YY1AP1: variants seen among roughly 807,000 people sequenced by gnomAD.
The protein encoded by YY1AP1 is YY1 associated protein 1, also known as YY1-associated protein 1.
Under a neutral mutation model 39.9 loss-of-function variants are expected in YY1AP1, and 43 were observed. The ratio of observed to expected loss-of-function variants is 1.08; its 90% CI spans 0.84 to 1.39. YY1AP1 has a LOEUF of 1.39. Ranked by LOEUF, YY1AP1 falls within the 40% of genes most tolerant of loss-of-function variation. YY1AP1 has a pLI of 0.00. For missense variants in YY1AP1, 813 were observed against 900.7 expected (o/e 0.90, Z 1.25); for synonymous variants, 292 against 331.3 (o/e 0.88, Z 1.29).
At chr1:155,688,953 G>C, upstream of YY1AP1, 1 of 1,611,270 alleles carries the variant, frequency 6.2e-7, no homozygotes, top group Non-Finnish European at 8.5e-7. Context: ...TCGCCGCGGC[G>C]CTGCGGCTCG....
chr1:155,684,995 T>G lies in YY1AP1; in HGVS notation c.-21+3076A>C, dbSNP rs986763598. ...TTTTATATCAGGAGGGCTTTCTACA[T>G]GTATGTATACCCAAAAATGACATTA... is the stretch of plus-strand genomic sequence containing the variant. On this transcript the variant is annotated intron_variant, in intron 2 of 10. Coordinates refer to ENST00000355499, the MANE Select transcript of YY1AP1 (RefSeq NM_139119.3). Among the ~76,000 whole-genome samples, 12 of 152,340 alleles carry G rather than the reference T, an allele frequency of 7.9e-5. No homozygotes were observed. The South Asian group carries it at 2.5e-3, about 32-fold the overall frequency.
chr1:155,688,762 A>G lies in YY1AP1; in HGVS notation c.-255T>C. 1 of 1,521,060 alleles carries G rather than the reference A, an allele frequency of 6.6e-7. No individual in the cohort carries two copies. The allele number at this position is 1,521,060 out of a possible 1,614,324, so 94.2% of individuals were successfully genotyped here. A position where few individuals can be genotyped will look rare whatever the true frequency, so the allele number is the denominator to read the frequency against. On this transcript the variant is annotated 5_prime_UTR_variant, in exon 1 of 11. Coordinates refer to ENST00000355499, the MANE Select transcript of YY1AP1 (RefSeq NM_139119.3). ...CGCCGCCAAAGCAGCCGCCGCCAGC[A>G]CCCCCACCCTACACTCCTCGCGCGT...
chr1:155,678,848 A>G (rs1423501095), intron 4 of YY1AP1, among the ~76,000 whole-genome samples: 1 of 152,222 alleles, frequency 6.6e-6, no homozygotes, highest in Non-Finnish European at 1.5e-5. Flanking sequence ...ATATGCTGCT[A>G]CAACAGAATA....
At chr1:155,679,296 A>G (rs753007127) in intron 4 of YY1AP1, 113 bp downstream of exon 4, 6 of 1,555,890 alleles carry the variant, frequency 3.9e-6, no homozygotes, top group South Asian at 2.4e-5. Flanking sequence ...GCATCCTTAC[A>G]TCAGTAACAG....
chr1:155,674,978 G>T (rs1650427715), intron 6 of YY1AP1, 32 bp downstream of exon 6: 1 of 1,560,304 alleles, frequency 6.4e-7, no homozygotes, highest in Non-Finnish European at 8.8e-7. Context: ...TTATATTCTA[G>T]TCTATAGAAT....
intron 2 of YY1AP1, among the ~76,000 whole-genome samples, chr1:155,682,454 CAT>C (rs1651657789): frequency 6.6e-6 from 1 of 151,972 alleles, no homozygotes; most frequent in African/African-American, 2.4e-5. Context: ...ACATACTCTA[CAT>C]GTCAGAGTTT....
intron 9 of YY1AP1, among the ~76,000 whole-genome samples, chr1:155,664,829 G>A (rs926300682): frequency 6.7e-6 from 1 of 149,086 alleles, no homozygotes; most frequent in Non-Finnish European, 1.5e-5. Context: ...GAGTGTAGTG[G>A]CGAGATCTCG....
At chr1:155,688,260 A>G (rs754878056) in intron 1 of YY1AP1, 59 bp from the exon 2 acceptor site, 67 of 1,603,732 alleles carry the variant, frequency 4.2e-5, no homozygotes, top group Non-Finnish European at 5.4e-5. Context: ...GCAAACTGAG[A>G]GGAGGCGGAT....
intron 1 of YY1AP1, 178 bp from the exon 2 acceptor site, chr1:155,688,379 A>C: frequency 6.5e-7 from 1 of 1,544,340 alleles, no homozygotes; most frequent in Non-Finnish European, 8.8e-7. Context: ...GAGGGAGCTA[A>C]GGGCGCCTAG....
chr1:155,674,494 G>A (rs1200156770), intron 6 of YY1AP1, among the ~76,000 whole-genome samples: 1 of 152,004 alleles, frequency 6.6e-6, no homozygotes. Context: ...TAAGAAGTCA[G>A]GGTGAATCTA....
intron 9 of YY1AP1, among the ~76,000 whole-genome samples, chr1:155,665,230 CA>C (rs1418540811): frequency 6.6e-6 from 1 of 151,216 alleles, no homozygotes; most frequent in South Asian, 2.1e-4. Context: ...CCAGCCTGGG[CA>C]AAAAACTGAG....
intron 2 of YY1AP1, among the ~76,000 whole-genome samples, chr1:155,687,395 CAT>C (rs1374689179): frequency 6.9e-6 from 1 of 144,182 alleles, no homozygotes; most frequent in East Asian, 2.0e-4. Flanking sequence ...AATACACACA[CAT>C]ATCAACCTGC....
At chr1:155,688,497 T>C in intron 1 of YY1AP1, 162 bp downstream of exon 1, 1 of 1,548,024 alleles carries the variant, frequency 6.5e-7, no homozygotes, top group Non-Finnish European at 8.7e-7. Context: ...CGCGTACGAG[T>C]GTCTACGGGC....
chr1:155,676,442 G>GTAAC (rs1650698581), intron 5 of YY1AP1, 106 bp downstream of exon 5: 1 of 1,350,898 alleles, frequency 7.4e-7, no homozygotes, highest in Admixed American at 1.8e-5. Context: ...ACGTAGTAAG[G>GTAAC]TAACTATCTC....
intron 5 of YY1AP1, among the ~76,000 whole-genome samples, chr1:155,675,691 C>A (rs1409808154): frequency 6.6e-6 from 1 of 152,068 alleles, no homozygotes; most frequent in African/African-American, 2.4e-5. Flanking sequence ...CTCCCCTGCT[C>A]AAGCAATCCT....
chr1:155,659,971 C>T lies in YY1AP1; in HGVS notation c.1939G>A (p.Asp647Asn), dbSNP rs146837303. 26 of 1,614,244 alleles carry T rather than the reference C, an allele frequency of 1.6e-5. No homozygotes were observed. In the African/African-American group the frequency reaches 2.0e-4, roughly 12 times the overall value. The change falls in exon 11 of 11, where the codon GAT becomes AAT. Residue 647 changes from aspartate (D) to asparagine (N), a missense_variant. Physicochemically the swap from Asp to Asn is conservative, Grantham distance 23. Around this residue, in one of 3 missense-constraint regions of YY1AP1, gnomAD observed 586 missense variants for 647.4 expected, o/e 0.91. Coordinates refer to ENST00000355499, the MANE Select transcript of YY1AP1 (RefSeq NM_139119.3). ...AGGCCCTGAAAGGCATTTTCCCCAT[C>T]AGCCACAGCACAAGCAATGTCCACA... ...MNVDIACAVA[D>N]GENAFQGLEP... is the part of the protein sequence containing the mutation.
chr1:155,680,548 G>A (rs945504528), intron 2 of YY1AP1, 92 bp from the exon 3 acceptor site: 1 of 1,125,222 alleles, frequency 8.9e-7, no homozygotes, highest in Admixed American at 1.8e-5. Flanking sequence ...TTTTCAACAA[G>A]GCATCTGACG....
chr1:155,681,709 C>CA (rs1651547929), intron 2 of YY1AP1, among the ~76,000 whole-genome samples: 1 of 152,146 alleles, frequency 6.6e-6, no homozygotes, highest in Non-Finnish European at 1.5e-5. Context: ...ACATACTTAA[C>CA]AAATCTGTAG....
At chr1:155,688,354 C>A in intron 1 of YY1AP1, 153 bp from the exon 2 acceptor site, 1 of 1,547,782 alleles carries the variant, frequency 6.5e-7, no homozygotes, top group South Asian at 1.2e-5. Flanking sequence ...GTGGCCGCGG[C>A]AGCTCCTCCA....
Sources: allele counts gnomAD v4.1 joint callset (sites outside exome capture counted in the v4.1 genomes callset), GRCh38; gene constraint gnomAD v4.1.1; regional missense constraint gnomAD v4.1.1; transcripts MANE v1.5; gene names NCBI Gene and HGNC (gene_info 2026-07-23, HGNC 2026-07-21).